CLMP: variants seen among roughly 807,000 people sequenced by gnomAD.
CLMP encodes CXADR-like membrane protein.
In CLMP, 27 loss-of-function variants were observed where a neutral mutation model predicts 45.2. The observed-to-expected ratio is 0.60, with a 90% CI of 0.44 to 0.82. The LOEUF (loss-of-function observed/expected upper bound fraction) is 0.82. Among genes scored for constraint, CLMP ranks in the 40% least tolerant of loss-of-function variants. The probability of loss-of-function intolerance (pLI) is 0.00; values close to 1 mark genes in which losing one functional copy is unlikely to be tolerated. For missense variants in CLMP, 403 were observed against 448.4 expected (o/e 0.90, Z 0.91); for synonymous variants, 167 against 171.4 (o/e 0.97, Z 0.20).
rs1467818748 is a variant in CLMP at position 123,097,943 on chromosome 11, T to C, written c.38A>G (p.Tyr13Cys). ...AGTGTGAGTCCCCAAGGTTCCAACA[T>C]AGTAGGAAACTGGAAGAGGAAAATC... ...LLLLLLLVSY[Y>C]VGTLGTHTEI... Residue 13 changes from tyrosine (Y) to cysteine (C), a missense_variant, in exon 2 of 7, where the codon TAT becomes TGT. Tyr to Cys is a radical substitution (Grantham distance 194). Transcript: ENST00000448775. 1.3e-6 allele frequency: 2 copies of C among 1,553,682 alleles called. No individual in the cohort carries two copies. The highest frequency in any genetic ancestry group is 1.4e-5 in the African/African-American group (1 of 72,384).
At chr11:123,149,726 G>A (rs186847549) in intron 1 of CLMP, among the ~76,000 whole-genome samples, 3 of 152,252 alleles carry the variant, frequency 2.0e-5, no homozygotes, top group East Asian at 1.9e-4. Context: ...GGGGAAATGG[G>A]AGAAGAGAGG....
intron 1 of CLMP, among the ~76,000 whole-genome samples, chr11:123,117,707 G>A (rs1006835194): frequency 1.3e-5 from 2 of 151,972 alleles, no homozygotes; most frequent in African/African-American, 2.4e-5. Context: ...GATTACAGGC[G>A]TGAGCCACCA....
intron 1 of CLMP, among the ~76,000 whole-genome samples, chr11:123,174,013 G>T (rs562057897): frequency 4.1e-4 from 62 of 152,272 alleles, no homozygotes; most frequent in Non-Finnish European, 6.6e-4. Flanking sequence ...AGTCTGGGAA[G>T]TTGAGGCAGC....
At chr11:123,114,137 A>G (rs1466846500) in intron 1 of CLMP, among the ~76,000 whole-genome samples, 1 of 152,188 alleles carries the variant, frequency 6.6e-6, no homozygotes, top group Non-Finnish European at 1.5e-5. Context: ...ACAGAGGCAG[A>G]GGGGGCGGGA....
chr11:123,087,305 G>A (rs1865876480), intron 2 of CLMP, among the ~76,000 whole-genome samples: 2 of 151,564 alleles, frequency 1.3e-5, no homozygotes, highest in African/African-American at 4.8e-5. Flanking sequence ...GCATTGCACT[G>A]CAGTCTGAGC....
chr11:123,176,036 A>T (rs1257943608), intron 1 of CLMP, among the ~76,000 whole-genome samples: 1 of 152,216 alleles, frequency 6.6e-6, no homozygotes, highest in East Asian at 1.9e-4. Context: ...AGATGATGTA[A>T]TCTGCATGTG....
Position 123,097,782 on chromosome 11 carries a change from G to C in CLMP, c.186+13C>G. ...CAAGAAGGAGGAGGGACTCCAGCCA[G>C]GTGTCTACTTACCACTTTTTGGTTC... is the stretch of plus-strand genomic sequence containing the variant. On this transcript the variant is annotated intron_variant, in intron 2 of 6. Transcript: ENST00000448775. 1 of 1,565,608 alleles carries C rather than the reference G, an allele frequency of 6.4e-7. No individual in the cohort carries two copies. The highest frequency in any genetic ancestry group is 1.4e-5 in the African/African-American group (1 of 73,406).
intron 1 of CLMP, among the ~76,000 whole-genome samples, chr11:123,129,917 CTT>C (rs112070510): frequency 6.9e-6 from 1 of 145,392 alleles, no homozygotes; most frequent in Non-Finnish European, 1.5e-5. Flanking sequence ...TCAAAACACA[CTT>C]TTTTTTTTTC....
At chr11:123,181,609 G>A (rs1861771309) in intron 1 of CLMP, among the ~76,000 whole-genome samples, 1 of 152,142 alleles carries the variant, frequency 6.6e-6, no homozygotes, top group African/African-American at 2.4e-5. Flanking sequence ...AGGCTCTCGG[G>A]TCTTGTACGG....
chr11:123,183,297 C>G (rs1315479526), intron 1 of CLMP, among the ~76,000 whole-genome samples: 1 of 152,096 alleles, frequency 6.6e-6, no homozygotes, highest in African/African-American at 2.4e-5. Context: ...GTGGCGGGAT[C>G]TCGGCTCACT....
At chr11:123,146,232 G>A (rs1477610835) in intron 1 of CLMP, among the ~76,000 whole-genome samples, 1 of 152,144 alleles carries the variant, frequency 6.6e-6, no homozygotes, top group Non-Finnish European at 1.5e-5. Context: ...TTTCTTCCCT[G>A]TTAAAATTCA....
At chr11:123,192,618 G>C (rs535557627) in intron 1 of CLMP, among the ~76,000 whole-genome samples, 23 of 152,092 alleles carry the variant, frequency 1.5e-4, no homozygotes, top group Non-Finnish European at 3.4e-4. Context: ...CTGAGCTGGA[G>C]CTCCTTCTCT....
chr11:123,145,205 T>C (rs371632075), intron 1 of CLMP, among the ~76,000 whole-genome samples: 16 of 152,158 alleles, frequency 1.1e-4, no homozygotes, highest in African/African-American at 3.4e-4. Flanking sequence ...TTAAATTCCA[T>C]GGGGGCTCAC....
chr11:123,079,951 GTA>G (rs1019755450), intron 5 of CLMP, among the ~76,000 whole-genome samples: 6 of 152,222 alleles, frequency 3.9e-5, no homozygotes, highest in African/African-American at 1.2e-4. Flanking sequence ...TCTGTTAATA[GTA>G]ATAATAGCTA....
At chr11:123,157,967 A>G (rs1240707524) in intron 1 of CLMP, among the ~76,000 whole-genome samples, 1 of 151,920 alleles carries the variant, frequency 6.6e-6, no homozygotes, top group Non-Finnish European at 1.5e-5. Context: ...TCTTTATTAC[A>G]TTATTTTTTT....
intron 1 of CLMP, among the ~76,000 whole-genome samples, chr11:123,124,585 T>A (rs1431829761): frequency 6.6e-6 from 1 of 152,162 alleles, no homozygotes; most frequent in African/African-American, 2.4e-5. Context: ...TCTGCTTACA[T>A]CACTTTTTAG....
intron 2 of CLMP, among the ~76,000 whole-genome samples, chr11:123,086,338 ATTTGAGCTAGGCTTTGAGAGGCAAG>A (rs1865865326): frequency 6.6e-6 from 1 of 152,226 alleles, no homozygotes; most frequent in Non-Finnish European, 1.5e-5. Flanking sequence ...AGTTGGTGGC[ATTTGAGCTAGGCTTTGAGAGGCAAG>A]GAGAAAAGGC....
At chr11:123,182,068 G>A (rs1176396193) in intron 1 of CLMP, among the ~76,000 whole-genome samples, 1 of 152,196 alleles carries the variant, frequency 6.6e-6, no homozygotes, top group South Asian at 2.1e-4. Context: ...CTTGGTGCCT[G>A]CTATTTTAAC....
chr11:123,098,869 C>T (rs1866021720), intron 1 of CLMP, among the ~76,000 whole-genome samples: 1 of 150,782 alleles, frequency 6.6e-6, no homozygotes, highest in Non-Finnish European at 1.5e-5. Flanking sequence ...AATTTTTGTA[C>T]TTTTTAGTAG....
Sources: allele counts gnomAD v4.1 joint callset (sites outside exome capture counted in the v4.1 genomes callset), GRCh38; gene constraint gnomAD v4.1.1; transcripts MANE v1.5; gene names NCBI Gene and HGNC (gene_info 2026-07-23, HGNC 2026-07-21).